The following NACA variants were observed in gnomAD, a reference collection of about 807,000 sequenced individuals.
NACA encodes the protein nascent polypeptide associated complex subunit alpha, also known as nascent polypeptide-associated complex subunit alpha.
NACA carries 42 observed loss-of-function variants against 86.4 expected under a neutral mutation model. The observed-to-expected ratio is 0.49, with a 90% CI of 0.38 to 0.63. The LOEUF (loss-of-function observed/expected upper bound fraction) is 0.63. Among genes scored for constraint, NACA ranks in the 20% least tolerant of loss-of-function variants. The probability of loss-of-function intolerance (pLI) is 0.00; values close to 1 mark genes in which losing one functional copy is unlikely to be tolerated. For missense variants in NACA, 2,157 were observed against 2,483.6 expected, an observed-to-expected ratio of 0.87 and a Z score of 2.80; for synonymous variants, 898 against 973.7, an observed-to-expected ratio of 0.92 and a Z score of 1.45.
chr12:56,717,294 G>A lies in NACA; in HGVS notation c.4236C>T (p.Pro1412=). The change falls in exon 3 of 9, where the codon CCC becomes CCT. Residue 1412 remains proline, a synonymous_variant. Transcript: ENST00000454682. ...PTSPAVIPLS[P]KKAPATPVTR... is the part of the protein sequence containing the mutation. ...TGACTGGAGTTGCTGGAGCCTTTTTGGGGGAGAGAGGAATCACTGCTGGGG... is the reference window on the plus strand; with the variant it reads ...TGACTGGAGTTGCTGGAGCCTTTTTAGGGGAGAGAGGAATCACTGCTGGGG... 2 of 1,343,536 alleles carry A rather than the reference G, an allele frequency of 1.5e-6. No homozygotes were observed. Among genetic ancestry groups the A allele is most frequent in the Non-Finnish European group, 1.9e-6 (2 of 1,025,758 alleles). The allele number at this position is 1,343,536 out of a possible 1,614,324, so 83.2% of individuals were successfully genotyped here.
chr12:56,721,174 G>C lies in NACA; in HGVS notation c.356C>G (p.Ala119Gly). The change falls in exon 3 of 9, where the codon GCC (alanine) becomes GGC (glycine). Residue 119 changes from alanine to glycine, a missense_variant. By Grantham distance (60) the Ala-to-Gly change is moderately conservative. Transcript: ENST00000454682. ...PPISPAALAL[A>G]SPMIAPTLKG... ...CAGAGTTGGAGCTATCATGGGAGAG[G>C]CTAGAGCTAAGGCAGCTGGGGAGAT... 6.2e-7 allele frequency: 1 copy of C among 1,613,944 alleles called. No homozygotes were observed. The highest frequency in any genetic ancestry group is 8.5e-7 in the Non-Finnish European group (1 of 1,179,864).
Position 56,720,822 on chromosome 12 carries a change from T to C in NACA, c.708A>G (p.Thr236=). Residue 236 remains threonine, a synonymous_variant, in exon 3 of 9, where the codon ACA becomes ACG. Coordinates refer to ENST00000454682, the MANE Select transcript of NACA (RefSeq NM_001365896.1). ...GAGGGGAAGCGATGGCTAGGGTAGTTGTGGGTGTTGTCTGAGGAAGGGAGG... is the reference window on the plus strand; with the variant it reads ...GAGGGGAAGCGATGGCTAGGGTAGTCGTGGGTGTTGTCTGAGGAAGGGAGG... ...GVASLPQTTP[T]TTLAIASPQV... 1 of 1,613,914 alleles carries C rather than the reference T, an allele frequency of 6.2e-7. No homozygotes were observed. Among genetic ancestry groups the C allele is most frequent in the Non-Finnish European group, 8.5e-7 (1 of 1,179,878 alleles).
In NACA at chr12:56,721,332, T is replaced by C. The variant is rs986619691; in HGVS notation, c.198A>G (p.Pro66=). ...CPLSAANQAS[P]FPSPSTIAST... ...AGGCAATAGTAGAGGGGGAAGGGAATGGGGAAGCCTGGTTAGCAGCTGAGA... is the reference window on the plus strand; with the variant it reads ...AGGCAATAGTAGAGGGGGAAGGGAACGGGGAAGCCTGGTTAGCAGCTGAGA... The change falls in exon 3 of 9, where the codon CCA becomes CCG. Residue 66 remains proline, a synonymous_variant. Transcript: ENST00000454682. 6.7e-7 allele frequency: 1 copy of C among 1,497,034 alleles called. No individual in the cohort carries two copies. The highest frequency in any genetic ancestry group is 1.8e-4 in the Middle Eastern group (1 of 5,606). The allele number at this position is 1,497,034 out of a possible 1,614,324, so 92.7% of individuals were successfully genotyped here. A position where few individuals can be genotyped will look rare whatever the true frequency, so the allele number is the denominator to read the frequency against.
intron 2 of NACA, among the ~76,000 whole-genome samples, chr12:56,723,810 A>T (rs1486671995): frequency 6.6e-6 from 1 of 152,184 alleles, no homozygotes; most frequent in East Asian, 1.9e-4. Flanking sequence ...ATATGTTTTA[A>T]CCAGAATTTA....
chr12:56,716,452 G>T lies in NACA; in HGVS notation c.5078C>A (p.Thr1693Lys). ...EVLVAPAPES[T>K]PIITAPTRKG... ...CCGAGTGGGAGCTGTGATGATTGGCGTGCTTTCTGGAGCTGGGGCAACAAG... is the reference window on the plus strand; with the variant it reads ...CCGAGTGGGAGCTGTGATGATTGGCTTGCTTTCTGGAGCTGGGGCAACAAG... The change falls in exon 3 of 9, where the codon ACG (threonine) becomes AAG (lysine). Residue 1693 changes from threonine (T) to lysine (K), a missense_variant. Around this residue, in one of 8 missense-constraint regions of NACA, gnomAD observed 797 missense variants for 777.6 expected, o/e 1.02. Transcript: ENST00000454682. 1 of 1,571,612 alleles carries T rather than the reference G, an allele frequency of 6.4e-7. No homozygotes were observed. Among genetic ancestry groups the T allele is most frequent in the Non-Finnish European group, 8.7e-7 (1 of 1,153,536 alleles).
Position 56,723,410 on chromosome 12 carries a change from C to A in NACA, c.70+1042G>T, listed in dbSNP as rs572879021. Among the ~76,000 whole-genome samples the A allele has an allele frequency of 3.3e-5, 5 of 152,290 alleles. No homozygotes were observed. The South Asian group carries it at 1.0e-3, about 32-fold the overall frequency. On this transcript the variant is annotated intron_variant, in intron 2 of 8. Coordinates refer to ENST00000454682, the MANE Select transcript of NACA (RefSeq NM_001365896.1). ...TGTTCAATGACACAATCTCTAAAATCTCGTTTTGTACTGAAATTACAGAAT... is the reference window on the plus strand; with the variant it reads ...TGTTCAATGACACAATCTCTAAAATATCGTTTTGTACTGAAATTACAGAAT...
Position 56,720,228 on chromosome 12 carries a change from A to G in NACA, c.1302T>C (p.Ser434=). ...CCACAAGTGGGGTGGTTCCAACAGA[A>G]GAAACGGGCATTTGGGCCACTAAAG... ...HYPLVAQMPV[S]SVGTTPLVVT... The change falls in exon 3 of 9, where the codon TCT becomes TCC. Residue 434 remains serine, a synonymous_variant. Coordinates refer to ENST00000454682, the MANE Select transcript of NACA (RefSeq NM_001365896.1). The G allele has an allele frequency of 2.5e-6, 4 of 1,614,004 alleles. No individual in the cohort carries two copies. Among genetic ancestry groups the G allele is most frequent in the South Asian group, 1.1e-5 (1 of 91,080 alleles).
rs752250041 is a variant in NACA, at chr12:56,720,615, C to G, written c.915G>C (p.Leu305=). 1.2e-6 allele frequency: 2 copies of G among 1,613,908 alleles called. No homozygotes were observed. Among genetic ancestry groups the G allele is most frequent in the Non-Finnish European group, 1.7e-6 (2 of 1,179,890 alleles). ...GATGTAAAGGTGCAAGATGAGAGCC[C>G]AGAGAAATGGGAAAATCTGGGGGGG... The part of the protein sequence containing the change: ...PNTPPDFPIS[L]GSHLAPLHQS... The change falls in exon 3 of 9, where the codon CTG becomes CTC. Residue 305 remains leucine, a synonymous_variant. Coordinates refer to ENST00000454682, the MANE Select transcript of NACA (RefSeq NM_001365896.1).
rs774298133 is a variant in NACA at position 56,720,285 on chromosome 12, G to A, written c.1245C>T (p.Leu415=). ...GATAAGTGGCATTAGGAGAGCTTTTGAGAATGAGAGAGGTTGTAGGAGATA... is the reference window on the plus strand; with the variant it reads ...GATAAGTGGCATTAGGAGAGCTTTTAAGAATGAGAGAGGTTGTAGGAGATA... ...FSLSPTTSLI[L]KSSPNATYHY... is the part of the protein sequence containing the mutation. The change falls in exon 3 of 9, where the codon CTC becomes CTT. Residue 415 remains leucine (L), a synonymous_variant. Coordinates refer to ENST00000454682, the MANE Select transcript of NACA (RefSeq NM_001365896.1). 3 of 1,613,942 alleles carry A rather than the reference G, an allele frequency of 1.9e-6. No individual in the cohort carries two copies. Among genetic ancestry groups the A allele is most frequent in the Non-Finnish European group, 2.5e-6 (3 of 1,179,874 alleles).
chr12:56,723,717 C>T (rs1370678598), intron 2 of NACA, among the ~76,000 whole-genome samples: 1 of 152,080 alleles, frequency 6.6e-6, no homozygotes, highest in Non-Finnish European at 1.5e-5. Flanking sequence ...TGAAGATTTC[C>T]TTCATTTAAC....
rs1263867830 is a variant in NACA, at chr12:56,716,181, A to T, written c.5349T>A (p.Pro1783=). The T allele has an allele frequency of 6.2e-7, 1 of 1,613,616 alleles. No individual in the cohort carries two copies. Among genetic ancestry groups the T allele is most frequent in the African/African-American group, 1.3e-5 (1 of 74,926 alleles). ...LTAAAFEKVL[P]KPESASVSAA... is the part of the protein sequence containing the mutation. ...CAGAGACAGATGCTGATTCAGGTTT[A>T]GGAAGGACCTTCTCAAAGGCAGCTG... The change falls in exon 3 of 9, where the codon CCT becomes CCA. Residue 1783 remains proline, a synonymous_variant. Coordinates refer to ENST00000454682, the MANE Select transcript of NACA (RefSeq NM_001365896.1).
At chr12:56,722,549 G>A (rs548442092) in intron 2 of NACA, among the ~76,000 whole-genome samples, 72 of 152,216 alleles carry the variant, frequency 4.7e-4, no homozygotes, top group Admixed American at 1.4e-3. Flanking sequence ...TTAGCTGGGC[G>A]TGGTGGTGTA....
At position 56,720,290 on chromosome 12, in the gene NACA, T is replaced by C. The variant is rs1442236598; in HGVS notation, c.1240A>G (p.Ile414Val). ...GTGGCATTAGGAGAGCTTTTGAGAATGAGAGAGGTTGTAGGAGATAATGAA... is the reference window on the plus strand; with the variant it reads ...GTGGCATTAGGAGAGCTTTTGAGAACGAGAGAGGTTGTAGGAGATAATGAA... Reference protein sequence around the residue: ...SFSLSPTTSLILKSSPNATYH... With the variant: ...SFSLSPTTSLVLKSSPNATYH... The change falls in exon 3 of 9, where the codon ATT becomes GTT. Residue 414 changes from isoleucine (I) to valine (V), a missense_variant. By Grantham distance (29) the Ile-to-Val change is conservative. This residue lies in a region of NACA where 947 missense variants were observed against 917.9 expected (regional missense o/e 1.03). Coordinates refer to ENST00000454682, the MANE Select transcript of NACA (RefSeq NM_001365896.1). The C allele has an allele frequency of 6.2e-7, 1 of 1,613,818 alleles. No individual in the cohort carries two copies. The highest frequency in any genetic ancestry group is 8.5e-7 in the Non-Finnish European group (1 of 1,179,856).
At position 56,719,015 on chromosome 12, in the gene NACA, T is replaced by A; in HGVS notation, c.2515A>T (p.Asn839Tyr). ...TTAGAGCCTTGGAAAGAAAGACTAT[T>A]CTCTGGAAGAAATGAAGCTTCAACT... ...SPVEASFLPE[N>Y]SLSFQGSKDS... Residue 839 changes from asparagine (N) to tyrosine (Y), a missense_variant, in exon 3 of 9, where the codon AAT becomes TAT. Coordinates refer to ENST00000454682, the MANE Select transcript of NACA (RefSeq NM_001365896.1). The A allele has an allele frequency of 6.9e-7, 1 of 1,447,738 alleles. No homozygotes were observed. The highest frequency in any genetic ancestry group is 9.3e-7 in the Non-Finnish European group (1 of 1,071,498). The allele number at this position is 1,447,738 out of a possible 1,614,324, so 89.7% of individuals were successfully genotyped here. A position where few individuals can be genotyped will look rare whatever the true frequency, so the allele number is the denominator to read the frequency against.
In NACA at chr12:56,720,391, G is replaced by C. The variant is rs370262823; in HGVS notation, c.1139C>G (p.Ser380Cys). ...GATGGTAGAGGGACCTTTGTCAACA[G>C]ATGGAGCCACCACTGGAAAGGCAGC... ...TVAAFPVVAPSVDKGPSTISS... is the reference protein window; with the variant it reads ...TVAAFPVVAPCVDKGPSTISS... The change falls in exon 3 of 9, where the codon TCT becomes TGT. Residue 380 changes from serine to cysteine, a missense_variant. Physicochemically the swap from Ser to Cys is moderately radical, Grantham distance 112 (BLOSUM62 -1). This residue lies in a region of NACA where 947 missense variants were observed against 917.9 expected (regional missense o/e 1.03). Coordinates refer to ENST00000454682, the MANE Select transcript of NACA (RefSeq NM_001365896.1). 9.9e-6 allele frequency: 16 copies of C among 1,613,950 alleles called. No individual in the cohort carries two copies. The highest frequency in any genetic ancestry group is 1.4e-5 in the Non-Finnish European group (16 of 1,179,858).
At chr12:56,712,995 A>G (rs1411077700) in intron 7 of NACA, 67 bp downstream of exon 7, 1 of 1,610,924 alleles carries the variant, frequency 6.2e-7, no homozygotes, top group Non-Finnish European at 8.5e-7. Flanking sequence ...AGTTTTTAAT[A>G]TAGCTCACCA....
At position 56,720,909 on chromosome 12, in the gene NACA, A is replaced by G. The variant is rs1953555822; in HGVS notation, c.621T>C (p.Cys207=). ...PNPKGTPSPP[C]IVSTVPYHCV... ...AGTGGTAAGGAACAGTACTGACTAT[A>G]CATGGAGGGCTGGGGGTGCCTTTTG... Residue 207 remains cysteine (C), a synonymous_variant, in exon 3 of 9, where the codon TGT becomes TGC. Coordinates refer to ENST00000454682, the MANE Select transcript of NACA (RefSeq NM_001365896.1). 1 of 1,613,872 alleles carries G rather than the reference A, an allele frequency of 6.2e-7. No homozygotes were observed. Among genetic ancestry groups the G allele is most frequent in the Non-Finnish European group, 8.5e-7 (1 of 1,179,868 alleles).
rs1237284708 is a variant in NACA, at chr12:56,720,481, T to C, written c.1049A>G (p.Tyr350Cys). 1.9e-5 allele frequency: 30 copies of C among 1,613,602 alleles called. No individual in the cohort carries two copies. Among genetic ancestry groups the C allele is most frequent in the South Asian group, 1.1e-4 (10 of 91,068 alleles). The change falls in exon 3 of 9, where the codon TAT becomes TGT. Residue 350 changes from tyrosine to cysteine, a missense_variant. Tyr to Cys is a radical substitution (Grantham distance 194). Transcript: ENST00000454682. ...AGGAATTACAGATCTCTGAGAAGGA[T>C]AAGAGGCCCCTGTGGAAGAATGATC... Reference protein sequence around the residue: ...SVDHSSTGASYPSQRSVIPPL... With the variant: ...SVDHSSTGASCPSQRSVIPPL...
Position 56,719,449 on chromosome 12 carries a change from G to A in NACA, c.2081C>T (p.Thr694Ile). 1 of 1,613,510 alleles carries A rather than the reference G, an allele frequency of 6.2e-7. No individual in the cohort carries two copies. Among genetic ancestry groups the A allele is most frequent in the Non-Finnish European group, 8.5e-7 (1 of 1,179,740 alleles). The change falls in exon 3 of 9, where the codon ACT becomes ATT. Residue 694 changes from threonine to isoleucine, a missense_variant. By Grantham distance (89) the Thr-to-Ile change is moderately conservative. Transcript: ENST00000454682. ...AGGAACCAAGGGTAAAGTAGTAAGA[G>A]TACCTTCCTTAACTGGGTGGTTTTT... Reference protein sequence around the residue: ...APKNHPVKEGTLTTLPLVPTA... With the variant: ...APKNHPVKEGILTTLPLVPTA...
Sources: gnomAD v4.1 joint callset for allele counts (sites outside exome capture counted in the v4.1 genomes callset) on GRCh38, gnomAD v4.1.1 for gene constraint, gnomAD v4.1.1 regional missense constraint, MANE v1.5 for transcripts, NCBI Gene and HGNC (gene_info 2026-07-23, HGNC 2026-07-21) for gene names.